Variants in CTNNA2 observed in about 807,000 individuals in gnomAD.
CTNNA2 encodes the protein catenin alpha 2.
CTNNA2 carries 42 observed loss-of-function variants against 101.0 expected under a neutral mutation model. That is an observed-to-expected ratio of 0.42 (90% CI 0.32 to 0.54). CTNNA2 has a LOEUF of 0.54. CTNNA2 is among the 20% of genes least tolerant of loss of function. CTNNA2 has a pLI of 0.14. For synonymous variants in CTNNA2, 450 were observed against 456.4 expected (o/e 0.99, Z 0.18); for missense variants, 871 against 1,223.1 (o/e 0.71, Z 4.29).
intron 9 of CTNNA2, among the ~76,000 whole-genome samples, chr2:80,495,936 T>C (rs1259841779): frequency 2.8e-5 from 2 of 72,332 alleles, no homozygotes; most frequent in East Asian, 1.1e-3. Flanking sequence ...CAAGACTCTG[T>C]CTCAAAAAAA....
intron 8 of CTNNA2, among the ~76,000 whole-genome samples, chr2:80,398,030 AAC>A (rs1047914636): frequency 3.3e-5 from 5 of 152,170 alleles, no homozygotes; most frequent in African/African-American, 1.2e-4. Context: ...AGAAAGAAAA[AAC>A]ACAACTATAG....
At chr2:80,406,355 C>T (rs1396289443) in intron 8 of CTNNA2, among the ~76,000 whole-genome samples, 1 of 150,082 alleles carries the variant, frequency 6.7e-6, no homozygotes, top group Non-Finnish European at 1.5e-5. Flanking sequence ...AAAAAATGCA[C>T]CTTTGAGCAA....
At position 79,804,759 on chromosome 2, in the gene CTNNA2, A is replaced by G. The variant is rs887521000; in HGVS notation, c.299-53254A>G. ...TAGACCATGGATTAGAGATTGAGAA[A>G]TATCTTCTTTGATAATGCCAAAAAT... On this transcript the variant is annotated intron_variant, in intron 3 of 18. Coordinates refer to ENST00000402739, the MANE Select transcript of CTNNA2 (RefSeq NM_001282597.3). Among the ~76,000 whole-genome samples the G allele has an allele frequency of 3.9e-5, 6 of 152,354 alleles. No homozygotes were observed. The East Asian group carries it at 9.6e-4, about 24-fold the overall frequency.
chr2:80,142,171 C>A (rs1346783670), intron 7 of CTNNA2, among the ~76,000 whole-genome samples: 1 of 152,178 alleles, frequency 6.6e-6, no homozygotes, highest in Admixed American at 6.6e-5. Flanking sequence ...AGATGTCCCA[C>A]TTTTTTAGGT....
intron 3 of CTNNA2, among the ~76,000 whole-genome samples, chr2:79,815,771 A>ATT (rs200706378): frequency 2.0e-5 from 3 of 149,602 alleles, no homozygotes; most frequent in East Asian, 2.0e-4. Context: ...TGAATTTTAG[A>ATT]TTTTTTTTTT....
intron 4 of CTNNA2, among the ~76,000 whole-genome samples, chr2:79,423,965 A>G (rs896545065): frequency 7.2e-5 from 11 of 152,118 alleles, no homozygotes; most frequent in African/African-American, 2.7e-4. Context: ...CCCACAAAAA[A>G]TCAAGACAAA....
At chr2:80,476,146 T>C (rs565572027) in intron 9 of CTNNA2, among the ~76,000 whole-genome samples, 1 of 152,198 alleles carries the variant, frequency 6.6e-6, no homozygotes, top group Admixed American at 6.5e-5. Flanking sequence ...GTCCTTTAAT[T>C]AGCTGAACCC....
At chr2:80,267,089 G>T (rs1381331267) in intron 7 of CTNNA2, among the ~76,000 whole-genome samples, 1 of 152,120 alleles carries the variant, frequency 6.6e-6, no homozygotes, top group Admixed American at 6.6e-5. Context: ...TCTCCAGAGG[G>T]ACACCGCCTC....
chr2:79,731,894 TCAGA>T (rs1406014154), intron 2 of CTNNA2, among the ~76,000 whole-genome samples: 11 of 151,874 alleles, frequency 7.2e-5, no homozygotes, highest in African/African-American at 2.2e-4. Flanking sequence ...AAATAAATAT[TCAGA>T]CAGAGTTTCT....
intron 1 of CTNNA2, among the ~76,000 whole-genome samples, chr2:79,584,943 A>G (rs950528599): frequency 6.6e-6 from 1 of 152,158 alleles, no homozygotes; most frequent in Admixed American, 6.5e-5. Context: ...GTAGTATTTT[A>G]TGGGGTTTAT....
intron 9 of CTNNA2, among the ~76,000 whole-genome samples, chr2:80,514,733 C>T (rs550792367): frequency 2.0e-5 from 3 of 152,232 alleles, no homozygotes; most frequent in South Asian, 2.1e-4. Context: ...GAAGTCAAGT[C>T]ACCTCTCTCC....
rs70940064 is a variant in CTNNA2 at position 79,982,192 on chromosome 2, CTATATATATA to C, written c.1056+72435_1056+72444del. Among the ~76,000 whole-genome samples, 133 of 75,016 alleles carry C rather than the reference CTATATATATA, an allele frequency of 1.8e-3. 2 individuals are homozygous for C. The highest frequency in any genetic ancestry group is 8.1e-3 in the East Asian group (15 of 1,854). The allele number at this position is 75,016 out of a possible 152,430, so 49.2% of individuals were successfully genotyped here. On this transcript the variant is annotated intron_variant, in intron 7 of 18. Coordinates refer to ENST00000402739, the MANE Select transcript of CTNNA2 (RefSeq NM_001282597.3). ...TACCTGAGACCACAGGCATGTGCCA[CTATATATATA>C]TATATATATATATATATATATATAT... is the stretch of plus-strand genomic sequence containing the variant.
intron 1 of CTNNA2, among the ~76,000 whole-genome samples, chr2:79,631,122 C>T (rs1679664127): frequency 1.3e-5 from 2 of 151,950 alleles, no homozygotes; most frequent in African/African-American, 2.4e-5. Context: ...AGTATATTTG[C>T]TCAGCATTTC....
intron 4 of CTNNA2, among the ~76,000 whole-genome samples, chr2:79,415,593 A>AG (rs1244748383): frequency 6.6e-6 from 1 of 151,994 alleles, no homozygotes; most frequent in African/African-American, 2.4e-5. Context: ...TAGTATCTTA[A>AG]GGAATACTAT....
chr2:80,618,929 A>G (rs892327832), intron 17 of CTNNA2, among the ~76,000 whole-genome samples, 156 bp from the exon 18 acceptor site: 1 of 151,720 alleles, frequency 6.6e-6, no homozygotes, highest in Non-Finnish European at 1.5e-5. Context: ...GCCCATATGT[A>G]TATCTCTTTC....
chr2:80,512,416 A>G (rs1375872062), intron 9 of CTNNA2, among the ~76,000 whole-genome samples: 2 of 152,038 alleles, frequency 1.3e-5, no homozygotes, highest in African/African-American at 4.8e-5. Context: ...CATGGCTGAG[A>G]CTCTGGCTGT....
rs545020581 is a variant in CTNNA2, at chr2:80,215,408, C to G, written c.1057-177803C>G. Among the ~76,000 whole-genome samples, 5 of 152,262 alleles carry G rather than the reference C, an allele frequency of 3.3e-5. No individual in the cohort carries two copies. In the South Asian group the frequency reaches 1.0e-3, roughly 32 times the overall value. On this transcript the variant is annotated intron_variant, in intron 7 of 18. Transcript: ENST00000402739. Reference sequence around the variant, plus strand: ...CTTTGTGGTTTTATTTACCTTTGGTCTTTGATGATGGCGATGTACAGGTGG... The same window carrying G: ...CTTTGTGGTTTTATTTACCTTTGGTGTTTGATGATGGCGATGTACAGGTGG...
chr2:80,530,649 C>T (rs762169595), intron 9 of CTNNA2, among the ~76,000 whole-genome samples: 1 of 152,106 alleles, frequency 6.6e-6, no homozygotes, highest in Non-Finnish European at 1.5e-5. Flanking sequence ...CTGGGATGAG[C>T]CTGACCACGT....
chr2:80,567,343 G>T (rs1694150385), intron 12 of CTNNA2, among the ~76,000 whole-genome samples: 1 of 151,160 alleles, frequency 6.6e-6, no homozygotes, highest in Middle Eastern at 3.2e-3. Flanking sequence ...TTCAGTTTGG[G>T]GTAGTTTCTA....
Sources: allele counts gnomAD v4.1 joint callset (sites outside exome capture counted in the v4.1 genomes callset), GRCh38; gene constraint gnomAD v4.1.1; transcripts MANE v1.5; gene names NCBI Gene and HGNC (gene_info 2026-07-23, HGNC 2026-07-21).